ESPL1: variants seen among roughly 807,000 people sequenced by gnomAD.
ESPL1 encodes separin.
Under a neutral mutation model 217.2 loss-of-function variants are expected in ESPL1, and 50 were observed. The ratio of observed to expected loss-of-function variants is 0.23; its 90% CI spans 0.18 to 0.29. ESPL1 has a LOEUF of 0.29. ESPL1 is among the 10% of genes least tolerant of loss of function. ESPL1 has a pLI of 1.00. For synonymous variants in ESPL1, 994 were observed against 1,081.3 expected (o/e 0.92, Z 1.58); for missense variants, 1,834 against 2,603.0 (o/e 0.70, Z 6.43).
At chr12:53,291,559 C>G (rs1471030887) in intron 25 of ESPL1, 131 bp from the exon 26 acceptor site, 8 of 1,012,184 alleles carry the variant, frequency 7.9e-6, no homozygotes, top group Non-Finnish European at 1.0e-5. Context: ...CCACTGCACT[C>G]CAGCCTGGGC....
In ESPL1 at chr12:53,289,145, T is replaced by C. The variant is rs371892420; in HGVS notation, c.4764T>C (p.Ile1588=). Residue 1588 remains isoleucine (I), a synonymous_variant, in exon 21 of 31, where the codon ATT becomes ATC. Transcript: ENST00000257934. ...CDSLSVAFRG[I]SHCPPSGLYA... is the part of the protein sequence containing the mutation. ...CCCTGAGTGTTGCTTTCCGGGGCAT[T>C]AGTCACTGTCCTCCTAGTGGGCTCT... The C allele has an allele frequency of 1.1e-5, 18 of 1,614,098 alleles. No homozygotes were observed. Among genetic ancestry groups the C allele is most frequent in the East Asian group, 4.5e-5 (2 of 44,902 alleles).
In ESPL1 at chr12:53,293,194, A is replaced by AC; in HGVS notation, c.6162-74dup. 8.0e-7 allele frequency: 1 copy of AC among 1,248,210 alleles called. No individual in the cohort carries two copies. Among genetic ancestry groups the AC allele is most frequent in the Non-Finnish European group, 1.2e-6 (1 of 854,014 alleles). The allele number at this position is 1,248,210 out of a possible 1,614,324, so 77.3% of individuals were successfully genotyped here. A position where few individuals can be genotyped will look rare whatever the true frequency, so the allele number is the denominator to read the frequency against. ...TTGGTTCAATCCTCTCCACTCACCC[A>AC]CCCCCACCACCAATGGTGTTTTCCT... On this transcript the variant is annotated intron_variant, in intron 30 of 30. Coordinates refer to ENST00000257934, the MANE Select transcript of ESPL1 (RefSeq NM_012291.5). The surrounding 1 kb of genome is among the most constrained non-coding windows in gnomAD (Gnocchi z 4.2).
In ESPL1 at chr12:53,283,262, G is replaced by A. The variant is rs1026177673; in HGVS notation, c.2920+5G>A. 3 of 1,614,096 alleles carry A rather than the reference G, an allele frequency of 1.9e-6. No homozygotes were observed. The highest frequency in any genetic ancestry group is 2.5e-6 in the Non-Finnish European group (3 of 1,180,040). ...AGACATCGTTTTTGGACTATGGTGA[G>A]TCTGGGGAGGACAGCAGGGCCCTCT... On this transcript the variant is annotated splice_donor_5th_base_variant and intron_variant, in intron 15 of 30. Transcript: ENST00000257934.
At chr12:53,276,126 T>C (rs1172890420) in intron 7 of ESPL1, among the ~76,000 whole-genome samples, 1 of 152,088 alleles carries the variant, frequency 6.6e-6, no homozygotes, top group Non-Finnish European at 1.5e-5. Flanking sequence ...GAGGATCACA[T>C]GAGCCTGGAA....
At chr12:53,291,057 C>A in intron 25 of ESPL1, 61 bp downstream of exon 25, 2 of 1,434,502 alleles carry the variant, frequency 1.4e-6, no homozygotes, top group African/African-American at 2.8e-5. Flanking sequence ...AATCCCAGCA[C>A]TTTGGGAGGC....
At position 53,286,237 on chromosome 12, in the gene ESPL1, G is replaced by A. The variant is rs756999630; in HGVS notation, c.3501G>A (p.Thr1167=). The stretch of plus-strand genomic sequence containing the variant: ...TCTGTCTGCGCTGGGTATTGGTCAC[G>A]GCAGGGGTGAGGCTGGCCATGGGCC... The part of the protein sequence containing the change: ...TAVCLRWVLV[T]AGVRLAMGHQ... Residue 1167 remains threonine, a synonymous_variant, in exon 18 of 31, where the codon ACG becomes ACA. Transcript: ENST00000257934. The surrounding 1 kb of genome is among the most constrained non-coding windows in gnomAD (Gnocchi z 5.3). 3.2e-5 allele frequency: 51 copies of A among 1,614,110 alleles called. No homozygotes were observed. Among genetic ancestry groups the A allele is most frequent in the Middle Eastern group, 1.6e-4 (1 of 6,084 alleles).
chr12:53,291,790 A>G lies in ESPL1; in HGVS notation c.5621A>G (p.Asn1874Ser). ...CCAGAGCGAGCCCAGGAGCTCCTGA[A>G]TGAGGCAGTAGGACGTCTACAGGGC... Reference protein sequence around the residue: ...TQPERAQELLNEAVGRLQGLT... With the variant: ...TQPERAQELLSEAVGRLQGLT... The change falls in exon 26 of 31, where the codon AAT (asparagine) becomes AGT (serine). Residue 1874 changes from asparagine (N) to serine (S), a missense_variant. Coordinates refer to ENST00000257934, the MANE Select transcript of ESPL1 (RefSeq NM_012291.5). 2 of 1,609,764 alleles carry G rather than the reference A, an allele frequency of 1.2e-6. No homozygotes were observed. The highest frequency in any genetic ancestry group is 1.7e-6 in the Non-Finnish European group (2 of 1,178,354).
chr12:53,283,630 C>A, intron 16 of ESPL1, 92 bp downstream of exon 16: 2 of 1,260,468 alleles, frequency 1.6e-6, no homozygotes, highest in Non-Finnish European at 2.2e-6. Flanking sequence ...AGATTACATG[C>A]TATGTTTAGA....
chr12:53,283,972 C>T (rs922853584), intron 16 of ESPL1, 86 bp from the exon 17 acceptor site: 8 of 994,634 alleles, frequency 8.0e-6, no homozygotes, highest in Non-Finnish European at 1.1e-5. Context: ...ACTCAGGTAG[C>T]TTGGCCTGGG....
At position 53,288,102 on chromosome 12, in the gene ESPL1, C is replaced by T. The variant is rs374272838; in HGVS notation, c.4307C>T (p.Thr1436Met). 59 of 1,613,564 alleles carry T rather than the reference C, an allele frequency of 3.7e-5. No individual in the cohort carries two copies. Among genetic ancestry groups the T allele is most frequent in the Non-Finnish European group, 4.7e-5 (55 of 1,179,994 alleles). ...GCAAGGAAGGGCCTGAGCCTAAAGA[C>T]GGATGCCGTGGTTGCCCCAGGTAGT... ...GRARKGLSLKTDAVVAPGSAP... is the reference protein window; with the variant it reads ...GRARKGLSLKMDAVVAPGSAP... The change falls in exon 19 of 31, where the codon ACG (threonine) becomes ATG (methionine). Residue 1436 changes from threonine to methionine, a missense_variant. Coordinates refer to ENST00000257934, the MANE Select transcript of ESPL1 (RefSeq NM_012291.5).
At chr12:53,279,521 A>G (rs1159734047) in intron 11 of ESPL1, among the ~76,000 whole-genome samples, 9 of 152,246 alleles carry the variant, frequency 5.9e-5, no homozygotes, top group Non-Finnish European at 1.5e-5. Context: ...GCACATAGTA[A>G]GAACTCAGAA....
chr12:53,280,978 G>A (rs1328707175), intron 12 of ESPL1, among the ~76,000 whole-genome samples: 1 of 150,698 alleles, frequency 6.6e-6, no homozygotes, highest in South Asian at 2.1e-4. Flanking sequence ...GGCAACAAGA[G>A]CGAAACTCCG....
At chr12:53,277,011 AGCTAGCCCTTCCCAGGGC>A in intron 8 of ESPL1, 54 bp from the exon 9 acceptor site, 1 of 1,578,850 alleles carries the variant, frequency 6.3e-7, no homozygotes, top group Non-Finnish European at 8.6e-7. Flanking sequence ...GCTGTTCTGC[AGCTAGCCCTTCCCAGGGC>A]GCTATGGCAG....
At chr12:53,280,010 G>A in intron 12 of ESPL1, 144 bp downstream of exon 12, 1 of 911,634 alleles carries the variant, frequency 1.1e-6, no homozygotes, top group South Asian at 1.9e-5. Context: ...GTGTGGAGCA[G>A]TTGGAGGCAG....
chr12:53,289,985 C>A, intron 22 of ESPL1, 100 bp from the exon 23 acceptor site: 4 of 1,415,452 alleles, frequency 2.8e-6, no homozygotes, highest in Non-Finnish European at 3.9e-6. Context: ...GGGAAGGCTT[C>A]TTGATGCTGG....
chr12:53,285,577 T>C (rs4759307), intron 17 of ESPL1, among the ~76,000 whole-genome samples: 13,982 of 151,674 alleles, frequency 0.092, 2,156 homozygotes, highest in African/African-American at 0.32. Context: ...GGCGTGGTGG[T>C]GGGCGCCTGT....
Position 53,288,606 on chromosome 12 carries a change from A to G in ESPL1, c.4615A>G (p.Ser1539Gly). ...ATGGGAGCTGCTGAGGCTGGATTCC[A>G]GCAAGAAGAAGCTGCCCAGCCCATG... ...GEWELLRLDS[S>G]KKKLPSPCPD... is the part of the protein sequence containing the mutation. Residue 1539 changes from serine (S) to glycine (G), a missense_variant, in exon 20 of 31, where the codon AGC becomes GGC. By Grantham distance (56) the Ser-to-Gly change is moderately conservative. Around this residue, in one of 5 missense-constraint regions of ESPL1, gnomAD observed 681 missense variants for 808.0 expected, o/e 0.84. Coordinates refer to ENST00000257934, the MANE Select transcript of ESPL1 (RefSeq NM_012291.5). 1 of 1,613,870 alleles carries G rather than the reference A, an allele frequency of 6.2e-7. No homozygotes were observed. The highest frequency in any genetic ancestry group is 8.5e-7 in the Non-Finnish European group (1 of 1,180,002).
chr12:53,292,540 T>C lies in ESPL1; in HGVS notation c.5913-34T>C, dbSNP rs561526588. The C allele has an allele frequency of 3.2e-6, 5 of 1,583,826 alleles. No homozygotes were observed. Among genetic ancestry groups the C allele is most frequent in the Middle Eastern group, 1.7e-4 (1 of 5,998 alleles). ...TTTGCCACCTGACCCCTGCCATGCA[T>C]TTCCCTATTCTCACACCTGCCTTTT... On this transcript the variant is annotated intron_variant, in intron 28 of 30. Transcript: ENST00000257934. The surrounding 1 kb of genome is among the most constrained non-coding windows in gnomAD (Gnocchi z 4.5).
rs538065206 is a variant in ESPL1, at chr12:53,278,991, G to T, written c.2365-741G>T. Among the ~76,000 whole-genome samples, 284 of 151,946 alleles carry T rather than the reference G, an allele frequency of 1.9e-3. 1 individual carries two copies. Among genetic ancestry groups the T allele is most frequent in the African/African-American group, 5.1e-3 (213 of 41,428 alleles). ...CAACCTCCACCTCCTGGGTTCAAGCGATTCTCCTGGCTCACTCAGCCTCCT... is the reference window on the plus strand; with the variant it reads ...CAACCTCCACCTCCTGGGTTCAAGCTATTCTCCTGGCTCACTCAGCCTCCT... On this transcript the variant is annotated intron_variant, in intron 11 of 30. Coordinates refer to ENST00000257934, the MANE Select transcript of ESPL1 (RefSeq NM_012291.5).
Sources: gnomAD v4.1 joint callset for allele counts (sites outside exome capture counted in the v4.1 genomes callset) on GRCh38, gnomAD v4.1.1 for gene constraint, gnomAD v4.1.1 regional missense constraint, Gnocchi (gnomAD v3.1) non-coding constraint, MANE v1.5 for transcripts, NCBI Gene and HGNC (gene_info 2026-07-23, HGNC 2026-07-21) for gene names.